The following CNTNAP2 variants were observed in gnomAD, a reference collection of about 807,000 sequenced individuals.
The protein encoded by CNTNAP2 is contactin associated protein 2.
In CNTNAP2, 98 loss-of-function variants were observed where a neutral mutation model predicts 155.2. That is an observed-to-expected ratio of 0.63 (90% CI 0.54 to 0.75). CNTNAP2 has a LOEUF of 0.75. Among genes scored for constraint, CNTNAP2 ranks in the 30% least tolerant of loss-of-function variants. The pLI is 0.00. For missense variants in CNTNAP2, 1,727 were observed against 1,688.1 expected (o/e 1.02, Z -0.40); for synonymous variants, 651 against 631.2 (o/e 1.03, Z -0.47).
At chr7:147,326,635 A>G (rs1795464465) in intron 9 of CNTNAP2, among the ~76,000 whole-genome samples, 1 of 152,228 alleles carries the variant, frequency 6.6e-6, no homozygotes, top group South Asian at 2.1e-4. Flanking sequence ...ACACGATTTT[A>G]CATCCCACTA....
chr7:147,465,576 T>C (rs773155215), intron 10 of CNTNAP2, among the ~76,000 whole-genome samples: 3 of 152,244 alleles, frequency 2.0e-5, no homozygotes, highest in Non-Finnish European at 2.9e-5. Context: ...AAATGGCAAA[T>C]TGCTCAATTT....
At chr7:146,484,148 T>C (rs1192749032) in intron 1 of CNTNAP2, among the ~76,000 whole-genome samples, 1 of 152,256 alleles carries the variant, frequency 6.6e-6, no homozygotes, top group Non-Finnish European at 1.5e-5. Context: ...TAACATGCTG[T>C]ACAAGTTTGT....
chr7:147,689,151 C>CTTTT (rs5888280), intron 13 of CNTNAP2, among the ~76,000 whole-genome samples: 14 of 139,494 alleles, frequency 1.0e-4, no homozygotes, highest in Admixed American at 5.2e-4. Context: ...ATAATTACTA[C>CTTTT]TTTTTTTTTT....
chr7:147,543,403 G>C (rs542608562), intron 11 of CNTNAP2, among the ~76,000 whole-genome samples: 1 of 152,324 alleles, frequency 6.6e-6, no homozygotes, highest in African/African-American at 2.4e-5. Context: ...ACATGTTACA[G>C]TGCTGCAGAG....
intron 8 of CNTNAP2, among the ~76,000 whole-genome samples, chr7:147,252,813 CTA>C (rs1804229625): frequency 6.6e-6 from 1 of 152,180 alleles, no homozygotes; most frequent in South Asian, 2.1e-4. Context: ...CACAATTACT[CTA>C]TGATGTAGGT....
At chr7:148,166,019 A>G (rs940115695) in intron 17 of CNTNAP2, among the ~76,000 whole-genome samples, 2 of 151,714 alleles carry the variant, frequency 1.3e-5, no homozygotes, top group African/African-American at 4.8e-5. Context: ...CCCTCTCTCC[A>G]TGGACGAGCT....
At chr7:148,255,967 A>C (rs2116823762) in intron 20 of CNTNAP2, among the ~76,000 whole-genome samples, 1 of 152,184 alleles carries the variant, frequency 6.6e-6, no homozygotes, top group East Asian at 1.9e-4. Context: ...TCCCCTTCTA[A>C]GTTTGTGAAA....
chr7:146,908,198 A>T (rs1585150895), intron 3 of CNTNAP2, among the ~76,000 whole-genome samples: 1 of 152,126 alleles, frequency 6.6e-6, no homozygotes, highest in African/African-American at 2.4e-5. Flanking sequence ...AAACATTAAT[A>T]ATGGGAGACT....
At chr7:146,357,706 GTTATATC>G (rs1470022740) in intron 1 of CNTNAP2, among the ~76,000 whole-genome samples, 1 of 151,980 alleles carries the variant, frequency 6.6e-6, no homozygotes, top group Non-Finnish European at 1.5e-5. Flanking sequence ...TAAATAATAT[GTTATATC>G]TTATAGGTAA....
At chr7:148,265,981 GAC>G (rs1390608432) in intron 20 of CNTNAP2, among the ~76,000 whole-genome samples, 1 of 152,148 alleles carries the variant, frequency 6.6e-6, no homozygotes, top group Non-Finnish European at 1.5e-5. Context: ...TCATCTGAAG[GAC>G]AGTTTTTTGC....
intron 1 of CNTNAP2, among the ~76,000 whole-genome samples, chr7:146,571,043 A>G (rs139326328): frequency 2.9e-4 from 44 of 152,252 alleles, no homozygotes; most frequent in African/African-American, 9.6e-4. Flanking sequence ...AGATAGATAC[A>G]TTTCTGTGTT....
At chr7:147,478,715 T>C (rs1476032276) in intron 10 of CNTNAP2, among the ~76,000 whole-genome samples, 3 of 152,230 alleles carry the variant, frequency 2.0e-5, no homozygotes, top group Middle Eastern at 3.2e-3. Context: ...ACATTGCACA[T>C]GGCACTTCCA....
At chr7:147,380,511 G>A (rs73475219) in intron 9 of CNTNAP2, among the ~76,000 whole-genome samples, 2 of 152,078 alleles carry the variant, frequency 1.3e-5, no homozygotes, top group African/African-American at 4.8e-5. Flanking sequence ...GAAGAAGCAG[G>A]AGGAAGAATG....
At chr7:148,082,968 C>T (rs1185685319) in intron 15 of CNTNAP2, among the ~76,000 whole-genome samples, 1 of 152,024 alleles carries the variant, frequency 6.6e-6, no homozygotes, top group African/African-American at 2.4e-5. Context: ...TGACCCACTG[C>T]ACCCGGCCTG....
chr7:146,726,816 A>G (rs994592484), intron 1 of CNTNAP2, among the ~76,000 whole-genome samples: 1 of 152,140 alleles, frequency 6.6e-6, no homozygotes, highest in Non-Finnish European at 1.5e-5. Flanking sequence ...TGCCATTGTC[A>G]TGTTTAAATA....
chr7:147,351,103 C>T (rs961985035), intron 9 of CNTNAP2, among the ~76,000 whole-genome samples: 1 of 151,742 alleles, frequency 6.6e-6, no homozygotes, highest in African/African-American at 2.4e-5. Context: ...CCAAAAACTT[C>T]AGGTATTTTT....
At chr7:147,617,786 A>T (rs974212887) in intron 12 of CNTNAP2, among the ~76,000 whole-genome samples, 1 of 152,196 alleles carries the variant, frequency 6.6e-6, no homozygotes, top group Non-Finnish European at 1.5e-5. Flanking sequence ...CTAATAGAAG[A>T]AAGTCAAGAT....
intron 13 of CNTNAP2, among the ~76,000 whole-genome samples, chr7:147,653,879 A>G (rs1378804604): frequency 6.6e-6 from 1 of 152,216 alleles, no homozygotes; most frequent in Non-Finnish European, 1.5e-5. Flanking sequence ...GAAACCAAAC[A>G]TATTTTATTT....
At chr7:146,305,758 GA>G (rs1427835464) in intron 1 of CNTNAP2, among the ~76,000 whole-genome samples, 1 of 152,042 alleles carries the variant, frequency 6.6e-6, no homozygotes, top group Non-Finnish European at 1.5e-5. Context: ...CGTGTAGGGG[GA>G]AATTTATAGC....
Sources: gnomAD v4.1 joint callset for allele counts (sites outside exome capture counted in the v4.1 genomes callset) on GRCh38, gnomAD v4.1.1 for gene constraint, MANE v1.5 for transcripts, NCBI Gene and HGNC (gene_info 2026-07-23, HGNC 2026-07-21) for gene names.